NCKAP5: variants seen among roughly 807,000 people sequenced by gnomAD.
The protein encoded by NCKAP5 is NCK associated protein 5, also known as nck-associated protein 5.
Under a neutral mutation model 167.0 loss-of-function variants are expected in NCKAP5, and 92 were observed. The ratio of observed to expected loss-of-function variants is 0.55; its 90% CI spans 0.47 to 0.66. The LOEUF (loss-of-function observed/expected upper bound fraction) is 0.66. Ranked by LOEUF, NCKAP5 falls within the 30% of genes least tolerant of loss-of-function variation. The pLI is 0.00. For synonymous variants in NCKAP5, 891 were observed against 877.4 expected (o/e 1.02, Z -0.27); for missense variants, 2,378 against 2,315.0 (o/e 1.03, Z -0.56).
the NCKAP5 span, among the ~76,000 whole-genome samples, chr2:133,655,808 A>G: frequency 6.6e-6 from 1 of 152,218 alleles, no homozygotes; most frequent in African/African-American, 2.4e-5. Flanking sequence ...GGCACATATT[A>G]TAGTTCTAAT....
chr2:133,548,367 A>G (rs565941189), intron 2 of NCKAP5, among the ~76,000 whole-genome samples: 1 of 152,194 alleles, frequency 6.6e-6, no homozygotes, highest in South Asian at 2.1e-4. Context: ...AGATTCAGGA[A>G]ATACAGAGAA....
intron 6 of NCKAP5, among the ~76,000 whole-genome samples, chr2:133,070,455 G>A (rs375083809): frequency 3.4e-4 from 52 of 152,156 alleles, no homozygotes; most frequent in African/African-American, 1.2e-3. Flanking sequence ...TACTCAAGGG[G>A]GCATGCAGAT....
chr2:133,256,998 A>G (rs1430189811), intron 4 of NCKAP5, among the ~76,000 whole-genome samples: 1 of 152,110 alleles, frequency 6.6e-6, no homozygotes, highest in Admixed American at 6.6e-5. Context: ...CACAATCACT[A>G]CTCAAAAGAA....
At chr2:133,601,903 T>C in the NCKAP5 span, among the ~76,000 whole-genome samples, 1 of 152,104 alleles carries the variant, frequency 6.6e-6, no homozygotes, top group African/African-American at 2.4e-5. Context: ...GAAAGCAAGG[T>C]TAGGCAGAGC....
chr2:133,658,794 C>T, the NCKAP5 span, among the ~76,000 whole-genome samples: 12 of 152,178 alleles, frequency 7.9e-5, no homozygotes, highest in East Asian at 2.1e-3. Context: ...TTGCTGGTTC[C>T]CCAATATCCT....
chr2:133,290,756 G>C (rs879746615), intron 4 of NCKAP5, among the ~76,000 whole-genome samples: 1 of 64,604 alleles, frequency 1.5e-5, no homozygotes, highest in Non-Finnish European at 3.3e-5. Context: ...TTTTGTTGTT[G>C]TTGTTGTTTA....
At chr2:132,910,833 G>T (rs1215892352) in intron 8 of NCKAP5, among the ~76,000 whole-genome samples, 2 of 152,176 alleles carry the variant, frequency 1.3e-5, no homozygotes, top group Non-Finnish European at 2.9e-5. Context: ...AAATGAGACT[G>T]TACCAAACAA....
intron 5 of NCKAP5, among the ~76,000 whole-genome samples, chr2:133,147,750 TGAAACCCCAAA>T (rs923670466): frequency 1.3e-5 from 2 of 152,144 alleles, no homozygotes; most frequent in Non-Finnish European, 2.9e-5. Flanking sequence ...TTAGTGTATG[TGAAACCCCAAA>T]GGATAGGAAT....
chr2:132,961,232 C>A (rs1385343319), intron 8 of NCKAP5, among the ~76,000 whole-genome samples: 3 of 150,638 alleles, frequency 2.0e-5, no homozygotes, highest in Non-Finnish European at 4.4e-5. Context: ...GAATATGGAG[C>A]AAATATTTTA....
chr2:133,358,003 CT>C (rs1684853509), intron 3 of NCKAP5, among the ~76,000 whole-genome samples: 1 of 152,162 alleles, frequency 6.6e-6, no homozygotes, highest in African/African-American at 2.4e-5. Flanking sequence ...ACACTATTTC[CT>C]TTTCCTGGGG....
intron 3 of NCKAP5, among the ~76,000 whole-genome samples, chr2:133,455,905 T>C (rs978782523): frequency 2.0e-5 from 3 of 152,168 alleles, no homozygotes; most frequent in African/African-American, 7.2e-5. Flanking sequence ...AAAGTCAGTC[T>C]AGGCAAAAAC....
chr2:133,421,912 A>G (rs1204150258), intron 3 of NCKAP5, among the ~76,000 whole-genome samples: 1 of 152,216 alleles, frequency 6.6e-6, no homozygotes, highest in African/African-American at 2.4e-5. Context: ...GCTCTATTCA[A>G]TTCAACTCAG....
chr2:133,489,004 A>G (rs1309104946), intron 3 of NCKAP5, among the ~76,000 whole-genome samples: 1 of 152,158 alleles, frequency 6.6e-6, no homozygotes, highest in African/African-American at 2.4e-5. Context: ...CAGGAGGATC[A>G]TTTGAGACTA....
chr2:132,938,893 G>C (rs1252953761), intron 8 of NCKAP5, among the ~76,000 whole-genome samples: 1 of 151,876 alleles, frequency 6.6e-6, no homozygotes, highest in Non-Finnish European at 1.5e-5. Context: ...CCCAGCCCCC[G>C]CCCATTCATT....
chr2:133,169,046 C>A (rs2084125955), intron 5 of NCKAP5, among the ~76,000 whole-genome samples: 1 of 152,102 alleles, frequency 6.6e-6, no homozygotes, highest in Admixed American at 6.6e-5. Flanking sequence ...CAGTCTTGAA[C>A]CAAGTATTTC....
chr2:133,227,712 G>A (rs1226958236), intron 4 of NCKAP5, among the ~76,000 whole-genome samples: 3 of 152,152 alleles, frequency 2.0e-5, no homozygotes, highest in African/African-American at 7.2e-5. Context: ...TAACCTAACA[G>A]AACCCATCTC....
chr2:133,221,573 T>A (rs374967060), intron 4 of NCKAP5, among the ~76,000 whole-genome samples: 19 of 152,324 alleles, frequency 1.2e-4, no homozygotes, highest in African/African-American at 4.6e-4. Context: ...TCAGGATTGA[T>A]AGACAGAGAA....
chr2:132,693,867 A>G (rs955029603), intron 19 of NCKAP5, among the ~76,000 whole-genome samples: 4 of 151,704 alleles, frequency 2.6e-5, no homozygotes, highest in Non-Finnish European at 5.9e-5. Context: ...CTTGTGATCC[A>G]CATGTCTCTA....
intron 3 of NCKAP5, among the ~76,000 whole-genome samples, chr2:133,459,097 G>A (rs1038375999): frequency 6.6e-6 from 1 of 152,086 alleles, no homozygotes; most frequent in African/African-American, 2.4e-5. Context: ...TAAGTTCATG[G>A]CAAGTAGAAC....
Sources: allele counts gnomAD v4.1 joint callset (sites outside exome capture counted in the v4.1 genomes callset), GRCh38; gene constraint gnomAD v4.1.1; transcripts MANE v1.5; gene names NCBI Gene and HGNC (gene_info 2026-07-23, HGNC 2026-07-21).